The following FBXO15 variants were observed in gnomAD, a reference collection of about 807,000 sequenced individuals.
FBXO15 encodes the protein F-box protein 15.
Under a neutral mutation model 49.5 loss-of-function variants are expected in FBXO15, and 30 were observed. That is an observed-to-expected ratio of 0.61 (90% CI 0.45 to 0.82). The LOEUF (loss-of-function observed/expected upper bound fraction) is 0.82. FBXO15 is among the 40% of genes least tolerant of loss of function. FBXO15 has a pLI of 0.00. For missense variants in FBXO15, 591 were observed against 631.5 expected (o/e 0.94, Z 0.69); for synonymous variants, 250 against 232.7 (o/e 1.07, Z -0.68).
chr18:74,116,046 C>T (rs1914218058), intron 8 of FBXO15, among the ~76,000 whole-genome samples: 1 of 152,154 alleles, frequency 6.6e-6, no homozygotes, highest in South Asian at 2.1e-4. Flanking sequence ...CTGTCTTATG[C>T]ATTTCTCTGT....
intron 8 of FBXO15, among the ~76,000 whole-genome samples, chr18:74,087,924 G>A (rs1448474253): frequency 6.6e-6 from 1 of 152,080 alleles, no homozygotes; most frequent in Non-Finnish European, 1.5e-5. Context: ...GGTATAAGAT[G>A]GTATCTCACT....
chr18:74,130,681 G>A, intron 3 of FBXO15, 23 bp from the exon 4 acceptor site: 2 of 1,602,554 alleles, frequency 1.2e-6, no homozygotes, highest in African/African-American at 1.3e-5. Context: ...GAGGAAATAT[G>A]TTAACTAAGA....
chr18:74,123,552 C>T, intron 7 of FBXO15, 42 bp from the exon 8 acceptor site: 1 of 1,572,528 alleles, frequency 6.4e-7, no homozygotes, highest in African/African-American at 1.4e-5. Flanking sequence ...TTGTCAACAC[C>T]AGGGATAAAA....
chr18:74,113,106 T>C (rs1048214101), intron 8 of FBXO15, among the ~76,000 whole-genome samples: 2 of 152,202 alleles, frequency 1.3e-5, no homozygotes, highest in Non-Finnish European at 2.9e-5. Flanking sequence ...AATGTGATAT[T>C]ATTCAGCACT....
rs772583557 is a variant in FBXO15 at position 74,073,566 on chromosome 18, G to C, written c.1428C>G (p.His476Gln). The C allele has an allele frequency of 6.2e-7, 1 of 1,614,164 alleles. No individual in the cohort carries two copies. Among genetic ancestry groups the C allele is most frequent in the Non-Finnish European group, 8.5e-7 (1 of 1,180,042 alleles). Reference protein sequence around the residue: ...VDYVDAEGRVHVELVWIRETE... With the variant: ...VDYVDAEGRVQVELVWIRETE... ...TCTCTCTGATCCACACCAGCTCCAC[G>C]TGCACTCTTCCTTCCGCATCAACGT... Residue 476 changes from histidine to glutamine, a missense_variant, in exon 10 of 10, where the codon CAC (histidine) becomes CAG (glutamine). Coordinates refer to ENST00000419743, the MANE Select transcript of FBXO15 (RefSeq NM_001142958.2).
chr18:74,143,191 TTTTA>T (rs1186446801), intron 1 of FBXO15, among the ~76,000 whole-genome samples: 1 of 152,316 alleles, frequency 6.6e-6, no homozygotes, highest in South Asian at 2.1e-4. Flanking sequence ...TCAAATATAA[TTTTA>T]TTTAAGATAT....
chr18:74,130,662 G>A lies in FBXO15; in HGVS notation c.333-4C>T, dbSNP rs770759679. 1.6e-5 allele frequency: 25 copies of A among 1,608,404 alleles called. No individual in the cohort carries two copies. The highest frequency in any genetic ancestry group is 2.0e-5 in the Non-Finnish European group (24 of 1,176,590). ...GTAGATTCCGATCCAAATAAAACTG[G>A]AGGGAAAAGAGGAAATATGTTAACT... On this transcript the variant is annotated splice_region_variant and splice_polypyrimidine_tract_variant and intron_variant, in intron 3 of 9. Coordinates refer to ENST00000419743, the MANE Select transcript of FBXO15 (RefSeq NM_001142958.2).
At chr18:74,143,975 T>C (rs753817921) in intron 1 of FBXO15, among the ~76,000 whole-genome samples, 10 of 152,258 alleles carry the variant, frequency 6.6e-5, no homozygotes, top group Non-Finnish European at 1.3e-4. Context: ...GCAGTTATAC[T>C]GCATGGGTTT....
chr18:74,100,587 G>T (rs1292170878), intron 8 of FBXO15, among the ~76,000 whole-genome samples: 1 of 151,476 alleles, frequency 6.6e-6, no homozygotes, highest in Non-Finnish European at 1.5e-5. Context: ...AAATGAAATT[G>T]AAACAAAAAA....
intron 3 of FBXO15, among the ~76,000 whole-genome samples, chr18:74,131,999 C>A (rs1204945143): frequency 6.6e-6 from 1 of 152,188 alleles, no homozygotes; most frequent in African/African-American, 2.4e-5. Flanking sequence ...GACTTCCCAA[C>A]AAATGCAAGC....
intron 8 of FBXO15, among the ~76,000 whole-genome samples, chr18:74,112,648 A>C (rs780037394): frequency 6.6e-6 from 1 of 152,248 alleles, no homozygotes; most frequent in Non-Finnish European, 1.5e-5. Context: ...ATCATCCTGG[A>C]AGTCCTAGCT....
chr18:74,073,508 A>G lies in FBXO15; in HGVS notation c.1486T>C (p.Tyr496His), dbSNP rs35815390. The G allele has an allele frequency of 0.078, 126,587 of 1,614,132 alleles. 5,697 individuals are homozygous for G. The highest frequency in any genetic ancestry group is 0.093 in the Non-Finnish European group (109,169 of 1,179,986). Reference protein sequence around the residue: ...EEYLIVNLVLYLSIAKINHWF... With the variant: ...EEYLIVNLVLHLSIAKINHWF... ...TGGTTGATTTTTGCGATACTAAGAT[A>G]AAGGACCAGGTTGACAATAAGGTAT... The change falls in exon 10 of 10, where the codon TAT becomes CAT. Residue 496 changes from tyrosine (Y) to histidine (H), a missense_variant. Coordinates refer to ENST00000419743, the MANE Select transcript of FBXO15 (RefSeq NM_001142958.2).
intron 2 of FBXO15, among the ~76,000 whole-genome samples, chr18:74,138,219 G>A (rs1001971587): frequency 7.2e-5 from 11 of 152,062 alleles, no homozygotes; most frequent in African/African-American, 2.7e-4. Flanking sequence ...CAAAACACTT[G>A]TCTACACCTG....
chr18:74,082,748 C>T (rs748245988), intron 8 of FBXO15, among the ~76,000 whole-genome samples: 2 of 152,154 alleles, frequency 1.3e-5, no homozygotes, highest in African/African-American at 2.4e-5. Flanking sequence ...TCTGTCTGAA[C>T]GCACCCTGAG....
Position 74,129,433 on chromosome 18 carries a change from C to T in FBXO15, c.757G>A (p.Asp253Asn), listed in dbSNP as rs201712109. Residue 253 changes from aspartate (D) to asparagine (N), a missense_variant, in exon 5 of 10, where the codon GAC becomes AAC. Physicochemically the swap from Asp to Asn is conservative, Grantham distance 23 (BLOSUM62 1). Coordinates refer to ENST00000419743, the MANE Select transcript of FBXO15 (RefSeq NM_001142958.2). ...TGTTTGGTGGGAGTTTTATACCAGTCGGTAAAAACTGGTGTCATGCCACAT... is the reference window on the plus strand; with the variant it reads ...TGTTTGGTGGGAGTTTTATACCAGTTGGTAAAAACTGGTGTCATGCCACAT... ...DLCGMTPVFT[D>N]WYKTPTKHRL... is the part of the protein sequence containing the mutation. 116 of 1,613,722 alleles carry T rather than the reference C, an allele frequency of 7.2e-5. No individual in the cohort carries two copies. The highest frequency in any genetic ancestry group is 6.6e-4 in the Middle Eastern group (4 of 6,060).
chr18:74,147,274 T>A (rs1979489082), intron 1 of FBXO15, among the ~76,000 whole-genome samples: 1 of 151,856 alleles, frequency 6.6e-6, no homozygotes, highest in South Asian at 2.1e-4. Flanking sequence ...TTCCCTAAGT[T>A]GTAAGGTCAT....
chr18:74,094,866 T>C (rs1913208878), intron 8 of FBXO15, among the ~76,000 whole-genome samples: 1 of 152,238 alleles, frequency 6.6e-6, no homozygotes. Context: ...TGGAAGACTG[T>C]CTCATCTAAA....
rs138407700 is a variant in FBXO15 at position 74,115,788 on chromosome 18, G to A, written c.1138+7580C>T. 5.0e-3 allele frequency among the ~76,000 whole-genome samples: 768 copies of A among 152,256 alleles called. 5 individuals carry two copies. The highest frequency in any genetic ancestry group is 0.018 in the African/African-American group (739 of 41,562). On this transcript the variant is annotated intron_variant, in intron 8 of 9. Transcript: ENST00000419743. Reference sequence around the variant, plus strand: ...CTCATGACTTTTTCTATGAGTCTAAGATTTATTAAAATATGAATAAAGGGT... The same window carrying A: ...CTCATGACTTTTTCTATGAGTCTAAAATTTATTAAAATATGAATAAAGGGT...
At chr18:74,122,312 T>G (rs1029392787) in intron 8 of FBXO15, among the ~76,000 whole-genome samples, 1 of 152,214 alleles carries the variant, frequency 6.6e-6, no homozygotes, top group Non-Finnish European at 1.5e-5. Flanking sequence ...GTCACAGTAT[T>G]GGGTTCCAGC....
Sources: allele counts gnomAD v4.1 joint callset (sites outside exome capture counted in the v4.1 genomes callset), GRCh38; gene constraint gnomAD v4.1.1; transcripts MANE v1.5; gene names NCBI Gene and HGNC (gene_info 2026-07-23, HGNC 2026-07-21).